SUB1: variants seen among roughly 807,000 people sequenced by gnomAD.
The protein encoded by SUB1 is SUB1 regulator of transcription, also known as activated RNA polymerase II transcriptional coactivator p15.
Under a neutral mutation model 16.9 loss-of-function variants are expected in SUB1, and 1 was observed. The observed-to-expected ratio is 0.06, with a 90% CI of 0.02 to 0.28. The LOEUF (loss-of-function observed/expected upper bound fraction) is 0.28, where lower values mean the gene tolerates loss of function less well. SUB1 is among the 10% of genes least tolerant of loss of function. SUB1 has a pLI of 1.00. For synonymous variants in SUB1, 51 were observed against 46.9 expected (o/e 1.09, Z -0.36); for missense variants, 84 against 145.2 (o/e 0.58, Z 2.16).
intron 4 of SUB1, among the ~76,000 whole-genome samples, chr5:32,600,801 A>C (rs1739096073): frequency 6.6e-6 from 1 of 151,994 alleles, no homozygotes; most frequent in South Asian, 2.1e-4. Context: ...ATGGGGTTTC[A>C]CCATGTTGGG....
At chr5:32,593,061 G>A (rs1738870474) in intron 3 of SUB1, among the ~76,000 whole-genome samples, 1 of 152,066 alleles carries the variant, frequency 6.6e-6, no homozygotes, top group Admixed American at 6.5e-5. Context: ...CACCCAGGCT[G>A]GAGTGCAGTG....
rs75859218 is a variant in SUB1 at position 32,588,313 on chromosome 5, C to G, written c.-1-199C>G. On this transcript the variant is annotated intron_variant, in intron 1 of 4. Transcript: ENST00000265073. ...AGTTCATTGTTCTTACTGGGTTCAG[C>G]ACATTGCACCCTGCGTGTTATTTGC... Among the ~76,000 whole-genome samples, 60 of 152,224 alleles carry G rather than the reference C, an allele frequency of 3.9e-4. No individual in the cohort carries two copies. In the East Asian group the frequency reaches 0.011, roughly 29 times the overall value.
At chr5:32,597,292 C>G (rs1175162215) in intron 3 of SUB1, 1 of 152,180 alleles carries the variant, frequency 6.6e-6, no homozygotes, top group African/African-American at 2.4e-5. Context: ...TTCCTGTGAA[C>G]TTGACATCAT....
chr5:32,600,959 AC>A, intron 4 of SUB1, 45 bp from the exon 5 acceptor site: 4 of 1,539,970 alleles, frequency 2.6e-6, no homozygotes, highest in Non-Finnish European at 3.6e-6. Flanking sequence ...AAAATCCTCA[AC>A]GCTTAAATAG....
At chr5:32,591,356 C>T in intron 2 of SUB1, 1 of 571,984 alleles carries the variant, frequency 1.7e-6, no homozygotes, top group Non-Finnish European at 2.6e-6. Flanking sequence ...TTTTGGGATC[C>T]TGAGAACAGA....
Position 32,599,102 on chromosome 5 carries a change from G to A in SUB1, c.304+33G>A. ...CTAATTACTTGAATTTTATTACAGT[G>A]TTAGGACTAAACGACAACTTTTCTG... is the stretch of plus-strand genomic sequence containing the variant. On this transcript the variant is annotated intron_variant, in intron 4 of 4. Coordinates refer to ENST00000265073, the MANE Select transcript of SUB1 (RefSeq NM_006713.4). 7 of 1,544,266 alleles carry A rather than the reference G, an allele frequency of 4.5e-6. No individual in the cohort carries two copies. The South Asian group carries it at 7.9e-5, about 17-fold the overall frequency.
rs1400717013 is a variant in SUB1, at chr5:32,603,230, G to T, written c.*2146G>T. 6.6e-6 allele frequency: 1 copy of T among 152,058 alleles called. No individual in the cohort carries two copies. The highest frequency in any genetic ancestry group is 1.5e-5 in the Non-Finnish European group (1 of 67,964). 9.4% of individuals were successfully genotyped at this position (152,058 alleles called of 1,614,324 possible). On this transcript the variant is annotated 3_prime_UTR_variant, in exon 5 of 5. Transcript: ENST00000265073. ...GAAATTATTAATCAGTTTGTGTATA[G>T]GAAAAGAGAACTGGGTTAAAAGCAA...
chr5:32,591,021 G>A (rs907103008), intron 2 of SUB1, among the ~76,000 whole-genome samples: 4 of 151,650 alleles, frequency 2.6e-5, no homozygotes, highest in Admixed American at 6.6e-5. Flanking sequence ...CTCCCGCCTC[G>A]GACTCCCAAA....
chr5:32,594,601 C>G (rs1164789129), intron 3 of SUB1: 2 of 454,906 alleles, frequency 4.4e-6, no homozygotes, highest in Non-Finnish European at 8.8e-6. Flanking sequence ...CACAGGGGTC[C>G]CTCCTGCACA....
chr5:32,600,047 A>C (rs976124523), intron 4 of SUB1, among the ~76,000 whole-genome samples: 1 of 152,206 alleles, frequency 6.6e-6, no homozygotes, highest in Non-Finnish European at 1.5e-5. Context: ...TAAGTTCATT[A>C]TTCATGTTAC....
At chr5:32,586,422 A>G (rs1038210417) in intron 1 of SUB1, 3 of 152,270 alleles carry the variant, frequency 2.0e-5, no homozygotes, top group African/African-American at 7.2e-5. Context: ...TATAAATTCT[A>G]CAATAGTGGT....
rs950975496 is a variant in SUB1 at position 32,594,696 on chromosome 5, C to T, written c.195+3011C>T. The T allele has an allele frequency of 4.0e-5, 17 of 423,308 alleles. No individual in the cohort carries two copies. In the Middle Eastern group the frequency reaches 1.1e-3, roughly 27 times the overall value. The allele number at this position is 423,308 out of a possible 1,614,324, so 26.2% of individuals were successfully genotyped here. ...CAGCGGCATTAGATTCTCATAGGAGCGCGAACCCTATTGTGAACTGCGCAT... is the reference window on the plus strand; with the variant it reads ...CAGCGGCATTAGATTCTCATAGGAGTGCGAACCCTATTGTGAACTGCGCAT... On this transcript the variant is annotated intron_variant, in intron 3 of 4. Coordinates refer to ENST00000265073, the MANE Select transcript of SUB1 (RefSeq NM_006713.4).
intron 3 of SUB1, among the ~76,000 whole-genome samples, chr5:32,592,651 A>T (rs1197470664): frequency 1.3e-5 from 2 of 152,212 alleles, no homozygotes; most frequent in Non-Finnish European, 2.9e-5. Flanking sequence ...ACAGGTTAGG[A>T]AGAATGGACC....
At position 32,598,674 on chromosome 5, in the gene SUB1, A is replaced by G. The variant is rs1205589605; in HGVS notation, c.196-287A>G. 1.7e-5 allele frequency: 4 copies of G among 239,250 alleles called. No individual in the cohort carries two copies. The Admixed American group carries it at 2.2e-4, about 13-fold the overall frequency. 14.8% of individuals were successfully genotyped at this position (239,250 alleles called of 1,614,324 possible). ...TAGGTATGTTTTATGCATTCATGACATACCTAACTTTTTCTTAATGTTTTC... is the reference window on the plus strand; with the variant it reads ...TAGGTATGTTTTATGCATTCATGACGTACCTAACTTTTTCTTAATGTTTTC... On this transcript the variant is annotated intron_variant, in intron 3 of 4. Coordinates refer to ENST00000265073, the MANE Select transcript of SUB1 (RefSeq NM_006713.4).
chr5:32,592,168 T>G (rs1245366378), intron 3 of SUB1, among the ~76,000 whole-genome samples: 2 of 151,672 alleles, frequency 1.3e-5, no homozygotes, highest in African/African-American at 2.4e-5. Context: ...GATGCTGGAT[T>G]ATTGTTAAAG....
chr5:32,595,293 G>A (rs1738931580), intron 3 of SUB1: 1 of 152,064 alleles, frequency 6.6e-6, no homozygotes, highest in Admixed American at 6.6e-5. Context: ...CGCCTTTGTG[G>A]CCAGACCATT....
intron 2 of SUB1, 23 bp downstream of exon 2, chr5:32,588,607 A>G: frequency 5.0e-6 from 8 of 1,605,180 alleles, no homozygotes; most frequent in Non-Finnish European, 6.8e-6. Flanking sequence ...GCACCAAGTC[A>G]TTTTGGTGAT....
chr5:32,601,009 T>C lies in SUB1; in HGVS notation c.309T>C (p.Ile103=). 2 of 1,612,532 alleles carry C rather than the reference T, an allele frequency of 1.2e-6. No homozygotes were observed. Among genetic ancestry groups the C allele is most frequent in the Non-Finnish European group, 1.7e-6 (2 of 1,179,282 alleles). ...EGEMKPGRKG[I]SLNPEQWSQL... The stretch of plus-strand genomic sequence containing the variant: ...AATTTTTAAACTTTGTTTTAGGTAT[T>C]TCTTTAAATCCAGAACAATGGAGCC... The change falls in exon 5 of 5, where the codon ATT becomes ATC. Residue 103 remains isoleucine, a synonymous_variant. Transcript: ENST00000265073.
intron 2 of SUB1, among the ~76,000 whole-genome samples, chr5:32,589,131 G>A (rs767624625): frequency 7.9e-5 from 12 of 151,594 alleles, no homozygotes; most frequent in Non-Finnish European, 1.5e-4. Context: ...CTCTCTTGCC[G>A]AGGCTGGAGT....
Sources: gnomAD v4.1 joint callset for allele counts (sites outside exome capture counted in the v4.1 genomes callset) on GRCh38, gnomAD v4.1.1 for gene constraint, MANE v1.5 for transcripts, NCBI Gene and HGNC (gene_info 2026-07-23, HGNC 2026-07-21) for gene names.